The following HPSE2 variants were observed in gnomAD, a reference collection of about 807,000 sequenced individuals.
The protein encoded by HPSE2 is heparanase 2 (inactive).
In HPSE2, 38 loss-of-function variants were observed where a neutral mutation model predicts 60.5. The observed-to-expected ratio is 0.63, with a 90% CI of 0.48 to 0.82. The LOEUF (loss-of-function observed/expected upper bound fraction) is 0.82. Among genes scored for constraint, HPSE2 ranks in the 40% least tolerant of loss-of-function variants. The pLI is 0.00. For synonymous variants in HPSE2, 295 were observed against 293.2 expected (o/e 1.01, Z -0.06); for missense variants, 713 against 740.4 (o/e 0.96, Z 0.43).
chr10:99,230,720 C>T (rs1330538244), intron 2 of HPSE2, among the ~76,000 whole-genome samples: 27 of 152,136 alleles, frequency 1.8e-4, no homozygotes, highest in Admixed American at 1.7e-3. Flanking sequence ...AATTTCTAAA[C>T]TTATAATGGT....
chr10:98,950,778 G>A (rs1197723366), intron 3 of HPSE2, among the ~76,000 whole-genome samples: 2 of 152,056 alleles, frequency 1.3e-5, no homozygotes, highest in Non-Finnish European at 2.9e-5. Flanking sequence ...TCATTCAAGA[G>A]GATAGGCAAC....
chr10:98,499,741 A>T (rs1436279011), intron 9 of HPSE2, among the ~76,000 whole-genome samples: 2 of 152,212 alleles, frequency 1.3e-5, no homozygotes. Context: ...TGTAGAATGG[A>T]TAAGAACTCA....
chr10:99,188,284 G>A lies in HPSE2; in HGVS notation c.449-43885C>T, dbSNP rs556621174. On this transcript the variant is annotated intron_variant, in intron 2 of 11. Coordinates refer to ENST00000370552, the MANE Select transcript of HPSE2 (RefSeq NM_021828.5). The stretch of plus-strand genomic sequence containing the variant: ...CAGTAGTTCCTAGGGTGAGTGGGGT[G>A]AAGGGTTGACTGTAAAGCGGCAAGA... Among the ~76,000 whole-genome samples the A allele has an allele frequency of 2.6e-3, 389 of 152,266 alleles. 2 individuals carry two copies. Among genetic ancestry groups the A allele is most frequent in the African/African-American group, 5.2e-3 (217 of 41,556 alleles).
chr10:99,051,655 C>T (rs1401455071), intron 3 of HPSE2, among the ~76,000 whole-genome samples: 1 of 152,088 alleles, frequency 6.6e-6, no homozygotes, highest in East Asian at 1.9e-4. Flanking sequence ...TCTGGTAAAG[C>T]AACAGTTGGA....
At chr10:99,154,779 A>C (rs1282239887) in intron 2 of HPSE2, among the ~76,000 whole-genome samples, 1 of 151,962 alleles carries the variant, frequency 6.6e-6, no homozygotes, top group Admixed American at 6.6e-5. Context: ...AAAGGGACTA[A>C]ATGCTCCAAT....
intron 3 of HPSE2, among the ~76,000 whole-genome samples, chr10:98,892,019 C>T (rs372368571): frequency 6.6e-5 from 10 of 152,284 alleles, no homozygotes; most frequent in African/African-American, 2.4e-4. Context: ...GATCTGCCCA[C>T]CTCAGCCTCC....
intron 2 of HPSE2, among the ~76,000 whole-genome samples, chr10:99,172,831 T>C (rs1165243898): frequency 1.3e-5 from 2 of 151,998 alleles, no homozygotes; most frequent in African/African-American, 4.8e-5. Flanking sequence ...TGAGCCAAGA[T>C]TGCGCCACTG....
chr10:98,951,395 C>T (rs1370159511), intron 3 of HPSE2, among the ~76,000 whole-genome samples: 1 of 152,134 alleles, frequency 6.6e-6, no homozygotes, highest in East Asian at 1.9e-4. Flanking sequence ...CGTGGAGCCT[C>T]TGCACTAGAT....
intron 3 of HPSE2, among the ~76,000 whole-genome samples, chr10:98,810,617 T>G (rs1191850494): frequency 6.6e-6 from 1 of 152,152 alleles, no homozygotes; most frequent in Non-Finnish European, 1.5e-5. Flanking sequence ...TATTGCTGTA[T>G]TCTCAGCACT....
At chr10:99,172,968 G>C (rs960568224) in intron 2 of HPSE2, among the ~76,000 whole-genome samples, 1 of 152,174 alleles carries the variant, frequency 6.6e-6, no homozygotes, top group Non-Finnish European at 1.5e-5. Context: ...TAAAGAGTAA[G>C]TACAAGTCTA....
chr10:98,641,796 T>C, intron 7 of HPSE2, 51 bp downstream of exon 7: 1 of 1,377,458 alleles, frequency 7.3e-7, no homozygotes, highest in Non-Finnish European at 1.0e-6. Flanking sequence ...GTCTTTTTCC[T>C]TGTCTTACCC....
chr10:99,006,755 T>C (rs1956903644), intron 3 of HPSE2, among the ~76,000 whole-genome samples: 1 of 152,158 alleles, frequency 6.6e-6, no homozygotes, highest in Admixed American at 6.5e-5. Flanking sequence ...CCCAGGGCCA[T>C]TGAGGCCAGC....
intron 4 of HPSE2, among the ~76,000 whole-genome samples, chr10:98,741,151 GA>G (rs1285005779): frequency 6.6e-6 from 1 of 151,936 alleles, no homozygotes; most frequent in Non-Finnish European, 1.5e-5. Flanking sequence ...ACTCTAAGGG[GA>G]AAACACTAAA....
At chr10:98,537,633 C>T (rs1422489125) in intron 9 of HPSE2, among the ~76,000 whole-genome samples, 1 of 152,210 alleles carries the variant, frequency 6.6e-6, no homozygotes, top group East Asian at 1.9e-4. Context: ...TTCTGTCACG[C>T]CCGCATAAGG....
intron 3 of HPSE2, among the ~76,000 whole-genome samples, chr10:98,795,291 T>G (rs555978423): frequency 7.2e-5 from 11 of 152,276 alleles, no homozygotes; most frequent in African/African-American, 2.4e-4. Context: ...GGAGAGACAG[T>G]CTTGAGTCAC....
At chr10:98,968,626 A>C (rs1955873841) in intron 3 of HPSE2, among the ~76,000 whole-genome samples, 1 of 152,254 alleles carries the variant, frequency 6.6e-6, no homozygotes, top group African/African-American at 2.4e-5. Context: ...GTAGATAAAG[A>C]AAATGTGGTA....
chr10:99,292,402 A>T, the HPSE2 span, among the ~76,000 whole-genome samples: 1 of 152,170 alleles, frequency 6.6e-6, no homozygotes, highest in Admixed American at 6.5e-5. Flanking sequence ...GAGTCATGAG[A>T]AGTTTGTAAT....
At chr10:98,910,229 G>C (rs1224692956) in intron 3 of HPSE2, among the ~76,000 whole-genome samples, 4 of 152,146 alleles carry the variant, frequency 2.6e-5, no homozygotes, top group Non-Finnish European at 5.9e-5. Flanking sequence ...CTGGTGCCCA[G>C]GGTGGAGATA....
chr10:99,070,876 T>C (rs1332609909), intron 3 of HPSE2, among the ~76,000 whole-genome samples: 1 of 152,196 alleles, frequency 6.6e-6, no homozygotes, highest in Admixed American at 6.5e-5. Context: ...TCGTTGTACA[T>C]GTTTACTACA....
Sources: gnomAD v4.1 joint callset for allele counts (sites outside exome capture counted in the v4.1 genomes callset) on GRCh38, gnomAD v4.1.1 for gene constraint, MANE v1.5 for transcripts, NCBI Gene and HGNC (gene_info 2026-07-23, HGNC 2026-07-21) for gene names.